The following DTNA variants were observed in gnomAD, a reference collection of about 807,000 sequenced individuals.
The protein encoded by DTNA is dystrophin-related protein 3.
In DTNA, 43 loss-of-function variants were observed where a neutral mutation model predicts 100.7. The ratio of observed to expected loss-of-function variants is 0.43; its 90% CI spans 0.33 to 0.55. The LOEUF (loss-of-function observed/expected upper bound fraction) is 0.55, where lower values mean the gene tolerates loss of function less well. DTNA is among the 20% of genes least tolerant of loss of function. The probability of loss-of-function intolerance (pLI) is 0.04; values close to 1 mark genes in which losing one functional copy is unlikely to be tolerated. For synonymous variants in DTNA, 349 were observed against 347.9 expected (o/e 1.00, Z -0.04); for missense variants, 798 against 953.9 (o/e 0.84, Z 2.15).
chr18:34,829,664 T>C (rs1377099816), intron 11 of DTNA, among the ~76,000 whole-genome samples, 175 bp downstream of exon 11: 1 of 152,212 alleles, frequency 6.6e-6, no homozygotes, highest in African/African-American at 2.4e-5. Context: ...ACTTTGCAGC[T>C]CTTTCCTCTC....
intron 3 of DTNA, among the ~76,000 whole-genome samples, chr18:34,769,724 G>C (rs1568462506): frequency 2.4e-5 from 1 of 41,416 alleles, no homozygotes; most frequent in African/African-American, 5.1e-5. Context: ...GCCCTCTGGG[G>C]CTTTTTTTTT....
intron 1 of DTNA, among the ~76,000 whole-genome samples, chr18:34,634,807 C>T (rs757023132): frequency 2.0e-5 from 3 of 152,122 alleles, no homozygotes; most frequent in Non-Finnish European, 2.9e-5. Context: ...GCACTACCTC[C>T]TTTTTTGTAG....
intron 1 of DTNA, among the ~76,000 whole-genome samples, chr18:34,603,358 G>A (rs1171416560): frequency 6.6e-6 from 1 of 151,908 alleles, no homozygotes; most frequent in Non-Finnish European, 1.5e-5. Flanking sequence ...AATTTTAAAG[G>A]ACTTTTATAA....
intron 1 of DTNA, among the ~76,000 whole-genome samples, chr18:34,586,452 C>T (rs888984746): frequency 1.3e-5 from 2 of 151,918 alleles, no homozygotes; most frequent in African/African-American, 2.4e-5. Context: ...CTCACCTTCC[C>T]ACCCTGTTAT....
Position 34,889,379 on chromosome 18 carries a change from C to A in DTNA, c.*1645C>A, listed in dbSNP as rs1004525111. The A allele has an allele frequency of 2.0e-6, 2 of 984,862 alleles. No homozygotes were observed. The highest frequency in any genetic ancestry group is 2.4e-6 in the Non-Finnish European group (2 of 829,482). 61.0% of individuals were successfully genotyped at this position (984,862 alleles called of 1,614,324 possible). ...GGTCCAGAAGTCTGTTTTAGTCAAC[C>A]CTCTAGGTGATTCTGATGCTCGCTA... On this transcript the variant is annotated 3_prime_UTR_variant, in exon 23 of 23. Coordinates refer to ENST00000444659, the MANE Select transcript of DTNA (RefSeq NM_001386795.1).
chr18:34,753,071 T>C (rs1258896988), intron 1 of DTNA, among the ~76,000 whole-genome samples: 1 of 152,230 alleles, frequency 6.6e-6, no homozygotes, highest in African/African-American at 2.4e-5. Context: ...CTTTCCTCTT[T>C]TTTTTCTCTT....
chr18:34,534,071 G>A (rs1327741768), intron 1 of DTNA, among the ~76,000 whole-genome samples: 18 of 152,126 alleles, frequency 1.2e-4, no homozygotes, highest in Admixed American at 1.1e-3. Context: ...TCTTGGCTGG[G>A]CATGGTGGCT....
intron 17 of DTNA, chr18:34,867,223 A>G (rs1312416359): frequency 1.6e-6 from 2 of 1,231,450 alleles, no homozygotes. Context: ...TGTGTGTAAC[A>G]AAGAATGTTT....
chr18:34,803,149 C>T (rs1018532780), intron 4 of DTNA, among the ~76,000 whole-genome samples: 7 of 152,134 alleles, frequency 4.6e-5, no homozygotes, highest in African/African-American at 1.7e-4. Context: ...CCTGCATACC[C>T]CCAGAATCCT....
chr18:34,794,539 T>C (rs9954031), intron 4 of DTNA, among the ~76,000 whole-genome samples: 3,852 of 152,200 alleles, frequency 0.025, 170 homozygotes, highest in African/African-American at 0.087. Flanking sequence ...TGTGGATGCT[T>C]GAGAGGATTG....
chr18:34,686,145 G>C (rs1161235984), intron 1 of DTNA, among the ~76,000 whole-genome samples: 1 of 152,114 alleles, frequency 6.6e-6, no homozygotes, highest in Non-Finnish European at 1.5e-5. Context: ...TCTCTTGCCT[G>C]ATTGCCCTGG....
intron 1 of DTNA, among the ~76,000 whole-genome samples, chr18:34,597,204 A>G (rs2050809621): frequency 6.6e-6 from 1 of 152,164 alleles, no homozygotes; most frequent in Non-Finnish European, 1.5e-5. Flanking sequence ...ATGGCTGTGC[A>G]GTATTATTTG....
chr18:34,654,773 C>G (rs1021972723), intron 1 of DTNA, among the ~76,000 whole-genome samples: 1 of 152,100 alleles, frequency 6.6e-6, no homozygotes, highest in South Asian at 2.1e-4. Context: ...GTCACCCAGG[C>G]TGGAGTGCAG....
At chr18:34,808,311 G>A (rs919763586) in intron 5 of DTNA, among the ~76,000 whole-genome samples, 2 of 152,184 alleles carry the variant, frequency 1.3e-5, no homozygotes, top group Non-Finnish European at 1.5e-5. Flanking sequence ...TAAGGGTGGA[G>A]GGTGAGGGAG....
chr18:34,558,819 T>C (rs184917261), intron 1 of DTNA, among the ~76,000 whole-genome samples: 2 of 152,260 alleles, frequency 1.3e-5, no homozygotes, highest in Admixed American at 1.3e-4. Flanking sequence ...TGTGCTGTTA[T>C]TGAGGAACAA....
At chr18:34,680,112 GA>G (rs953027372) in intron 1 of DTNA, among the ~76,000 whole-genome samples, 10 of 152,040 alleles carry the variant, frequency 6.6e-5, no homozygotes, top group Non-Finnish European at 1.3e-4. Context: ...GTTTTGCTTA[GA>G]ATTAAAAGTA....
chr18:34,868,377 C>A, intron 17 of DTNA: 1 of 699,498 alleles, frequency 1.4e-6, no homozygotes, highest in Non-Finnish European at 1.8e-6. Flanking sequence ...CCTTATCAAT[C>A]CCAGCCCTAT....
At chr18:34,827,558 T>C (rs2149542160) in intron 9 of DTNA, 35 bp from the exon 10 acceptor site, 1 of 1,605,336 alleles carries the variant, frequency 6.2e-7, no homozygotes, top group Non-Finnish European at 8.5e-7. Flanking sequence ...CTTTTATTTG[T>C]TTTAACTTTC....
intron 3 of DTNA, among the ~76,000 whole-genome samples, chr18:34,793,780 T>C (rs2094851281): frequency 6.6e-6 from 1 of 152,214 alleles, no homozygotes; most frequent in African/African-American, 2.4e-5. Context: ...GGATAATAGC[T>C]GTATTTCAAG....
Sources: gnomAD v4.1 joint callset for allele counts (sites outside exome capture counted in the v4.1 genomes callset) on GRCh38, gnomAD v4.1.1 for gene constraint, MANE v1.5 for transcripts, NCBI Gene and HGNC (gene_info 2026-07-23, HGNC 2026-07-21) for gene names.